UGT1A6: variants seen among roughly 807,000 people sequenced by gnomAD.
UGT1A6 encodes UDP glucuronosyltransferase family 1 member A6, also known as UDP-glucuronosyltransferase 1A6.
In UGT1A6, 32 loss-of-function variants were observed where a neutral mutation model predicts 44.4. That is an observed-to-expected ratio of 0.72 (90% CI 0.54 to 0.97). The LOEUF (loss-of-function observed/expected upper bound fraction) is 0.97, where lower values mean the gene tolerates loss of function less well. Among genes scored for constraint, UGT1A6 ranks in the 50% least tolerant of loss-of-function variants. UGT1A6 has a pLI of 0.00. For synonymous variants in UGT1A6, 238 were observed against 248.5 expected (o/e 0.96, Z 0.40); for missense variants, 685 against 661.9 (o/e 1.03, Z -0.38).
At chr2:233,740,329 G>C (rs1400491740) in intron 1 of UGT1A6, among the ~76,000 whole-genome samples, 1 of 151,932 alleles carries the variant, frequency 6.6e-6, no homozygotes, top group Admixed American at 6.5e-5. Context: ...TGCATTTATT[G>C]AGAAAGTTGA....
At chr2:233,766,983 C>T (rs1040066735) in intron 1 of UGT1A6, 51 bp from the exon 2 acceptor site, 20 of 1,612,672 alleles carry the variant, frequency 1.2e-5, no homozygotes, top group Non-Finnish European at 1.7e-5. Flanking sequence ...TGTATGTAGT[C>T]ATCAAAGAAT....
At position 233,693,476 on chromosome 2, in the gene UGT1A6, A is replaced by G. The variant is rs1329461321; in HGVS notation, c.472A>G (p.Ile158Val). 1.2e-6 allele frequency: 2 copies of G among 1,614,154 alleles called. No homozygotes were observed. Among genetic ancestry groups the G allele is most frequent in the African/African-American group, 1.3e-5 (1 of 75,032 alleles). ...FTDPALPCGVILAEYLGLPSV... is the reference protein window; with the variant it reads ...FTDPALPCGVVLAEYLGLPSV... ...AGACCCAGCCTTACCCTGTGGGGTG[A>G]TCCTGGCTGAGTATTTGGGCCTACC... Residue 158 changes from isoleucine (I) to valine (V), a missense_variant, in exon 1 of 5, where the codon ATC (isoleucine) becomes GTC (valine). By Grantham distance (29) the Ile-to-Val change is conservative (BLOSUM62 3). Transcript: ENST00000305139.
chr2:233,746,887 A>T (rs765200684), intron 1 of UGT1A6, among the ~76,000 whole-genome samples: 2 of 151,818 alleles, frequency 1.3e-5, no homozygotes, highest in African/African-American at 2.4e-5. Flanking sequence ...ACAGAGAAGT[A>T]GGAGGCTGTG....
Position 233,767,220 on chromosome 2 carries a change from C to T in UGT1A6, c.993+55C>T. 2.5e-6 allele frequency: 4 copies of T among 1,611,656 alleles called. No individual in the cohort carries two copies. In the South Asian group the frequency reaches 4.4e-5, roughly 18 times the overall value. ...TCTATTTTCACAGGAGCGCTAATCC[C>T]AGACTTCCAGCTTCCAGATTAATTC... On this transcript the variant is annotated intron_variant, in intron 2 of 4. Coordinates refer to ENST00000305139, the MANE Select transcript of UGT1A6 (RefSeq NM_001072.4).
intron 1 of UGT1A6, among the ~76,000 whole-genome samples, chr2:233,717,603 G>T (rs1270322489): frequency 2.0e-5 from 3 of 152,300 alleles, no homozygotes; most frequent in East Asian, 3.9e-4. Context: ...ATGGAAAGTG[G>T]GCACAGCCCA....
Position 233,729,365 on chromosome 2 carries a change from A to C in UGT1A6, c.861+35500A>C, listed in dbSNP as rs367794808. ...GAGAACTTTTTCACCCTGACAACCT[A>C]TGCCATTTCGTGGACCCAGGATGAA... On this transcript the variant is annotated intron_variant, in intron 1 of 4. Coordinates refer to ENST00000305139, the MANE Select transcript of UGT1A6 (RefSeq NM_001072.4). 153 of 1,614,014 alleles carry C rather than the reference A, an allele frequency of 9.5e-5. No individual in the cohort carries two copies. Among genetic ancestry groups the C allele is most frequent in the Non-Finnish European group, 1.3e-4 (148 of 1,180,000 alleles).
intron 1 of UGT1A6, chr2:233,740,831 T>A (rs1418284400): frequency 1.3e-5 from 2 of 151,936 alleles, no homozygotes; most frequent in East Asian, 3.8e-4. Flanking sequence ...GCTGAGACAT[T>A]TTAAAAGGAG....
chr2:233,743,058 A>G lies in UGT1A6; in HGVS notation c.862-23976A>G, dbSNP rs79897461. ...GTCCTATCCGTGTAGTCCCAACGAT[A>G]AGAACAGGTGTTGGCATGAAGTGTT... On this transcript the variant is annotated intron_variant, in intron 1 of 4. Coordinates refer to ENST00000305139, the MANE Select transcript of UGT1A6 (RefSeq NM_001072.4). The G allele has an allele frequency of 7.7e-5, 25 of 325,552 alleles. No homozygotes were observed. The East Asian group carries it at 1.9e-3, about 25-fold the overall frequency. The allele number at this position is 325,552 out of a possible 1,614,324, so 20.2% of individuals were successfully genotyped here. A position where few individuals can be genotyped will look rare whatever the true frequency, so the allele number is the denominator to read the frequency against.
At chr2:233,732,425 G>T (rs1329507271) in intron 1 of UGT1A6, among the ~76,000 whole-genome samples, 1 of 152,186 alleles carries the variant, frequency 6.6e-6, no homozygotes, top group African/African-American at 2.4e-5. Context: ...TTTTCTTCTA[G>T]GATTTTTATG....
chr2:233,751,777 A>C (rs1694808291), intron 1 of UGT1A6, among the ~76,000 whole-genome samples: 1 of 152,126 alleles, frequency 6.6e-6, no homozygotes, highest in South Asian at 2.1e-4. Flanking sequence ...GACTTTGCTT[A>C]TCTCTCACCT....
At chr2:233,730,386 T>A (rs1243886406) in intron 1 of UGT1A6, among the ~76,000 whole-genome samples, 1 of 152,190 alleles carries the variant, frequency 6.6e-6, no homozygotes, top group East Asian at 1.9e-4. Flanking sequence ...GGAAAGATGA[T>A]GCAACAGTAA....
chr2:233,712,538 G>A (rs752556206), intron 1 of UGT1A6, among the ~76,000 whole-genome samples: 4 of 152,164 alleles, frequency 2.6e-5, no homozygotes, highest in Non-Finnish European at 5.9e-5. Flanking sequence ...ACCCATATGT[G>A]GGAAGAAAGA....
At chr2:233,713,077 G>A (rs1466431854) in intron 1 of UGT1A6, 1 of 1,614,196 alleles carries the variant, frequency 6.2e-7, no homozygotes, top group South Asian at 1.1e-5. Flanking sequence ...GCTGAGAGTG[G>A]GAAGGTGCTG....
chr2:233,748,188 T>A (rs1575688597), intron 1 of UGT1A6: 1 of 1,565,216 alleles, frequency 6.4e-7, no homozygotes, highest in East Asian at 2.2e-5. Flanking sequence ...GTGCTTTTAT[T>A]TCTGCTTGTC....
intron 1 of UGT1A6, among the ~76,000 whole-genome samples, chr2:233,701,807 A>G (rs2075653116): frequency 1.3e-5 from 2 of 152,224 alleles, no homozygotes; most frequent in Non-Finnish European, 2.9e-5. Flanking sequence ...GAGAACAAAG[A>G]CACAACATAC....
chr2:233,736,731 G>A (rs2078799563), intron 1 of UGT1A6, among the ~76,000 whole-genome samples: 1 of 151,600 alleles, frequency 6.6e-6, no homozygotes, highest in Non-Finnish European at 1.5e-5. Context: ...TGATGTTTAT[G>A]CTGTTCCTTT....
At chr2:233,718,615 G>A (rs2076668120) in intron 1 of UGT1A6, 1 of 856,316 alleles carries the variant, frequency 1.2e-6, no homozygotes, top group Non-Finnish European at 1.4e-6. Flanking sequence ...TTCAAGATAG[G>A]CGTGATTGGT....
intron 1 of UGT1A6, among the ~76,000 whole-genome samples, chr2:233,717,257 G>A (rs1281570889): frequency 6.6e-6 from 1 of 152,168 alleles, no homozygotes; most frequent in Non-Finnish European, 1.5e-5. Context: ...TAAGGGGGTT[G>A]GAGGAATAGT....
intron 1 of UGT1A6, among the ~76,000 whole-genome samples, chr2:233,720,958 G>A (rs777333216): frequency 6.0e-5 from 9 of 149,038 alleles, no homozygotes; most frequent in African/African-American, 1.0e-4. Flanking sequence ...TGATCTGCCC[G>A]CCTCGGCCTC....
Sources: allele counts gnomAD v4.1 joint callset (sites outside exome capture counted in the v4.1 genomes callset), GRCh38; gene constraint gnomAD v4.1.1; transcripts MANE v1.5; gene names NCBI Gene and HGNC (gene_info 2026-07-23, HGNC 2026-07-21).